Variants in ARID1B observed in about 807,000 individuals in gnomAD.
ARID1B encodes AT-rich interaction domain 1B.
Under a neutral mutation model 212.3 loss-of-function variants are expected in ARID1B, and 30 were observed. The ratio of observed to expected loss-of-function variants is 0.14; its 90% confidence interval spans 0.11 to 0.19. ARID1B has a LOEUF of 0.19. Ranked by LOEUF, ARID1B falls within the 10% of genes least tolerant of loss-of-function variation. The probability of loss-of-function intolerance (pLI) is 1.00; values close to 1 mark genes in which losing one functional copy is unlikely to be tolerated. For synonymous variants in ARID1B, 1,402 were observed against 1,301.7 expected, an observed-to-expected ratio of 1.08 and a Z score of -1.66; for missense variants, 2,891 against 3,204.0, an observed-to-expected ratio of 0.90 and a Z score of 2.36.
intron 3 of ARID1B, among the ~76,000 whole-genome samples, chr6:156,931,961 T>TAAAA (rs56102774): frequency 1.0e-5 from 1 of 97,414 alleles, no homozygotes; most frequent in South Asian, 3.3e-4. Flanking sequence ...GATTCCGTCT[T>TAAAA]AAAAAAAAAA....
Position 157,123,238 on chromosome 6 carries a change from G to GCC in ARID1B, c.2582-9781_2582-9780dup, listed in dbSNP as rs145123304. Among the ~76,000 whole-genome samples the GCC allele has an allele frequency of 1.0e-3, 85 of 83,580 alleles. 1 individual carries two copies. The highest frequency in any genetic ancestry group is 1.4e-3 in the African/African-American group (27 of 19,752). 54.8% of individuals were successfully genotyped at this position (83,580 alleles called of 152,430 possible). On this transcript the variant is annotated intron_variant, in intron 6 of 19. Transcript: ENST00000636930. ...TTTCTTTCTCTCCCCCCCGCCCCCC[G>GCC]CCCCCCCCCCACACACACACAAGCA...
chr6:157,063,504 T>C (rs1783483909), intron 4 of ARID1B, among the ~76,000 whole-genome samples: 1 of 152,158 alleles, frequency 6.6e-6, no homozygotes, highest in African/African-American at 2.4e-5. Context: ...TTTTTTTAGA[T>C]AGTTGTGCTA....
Position 157,190,276 on chromosome 6 carries a change from A to G in ARID1B, c.4231+66A>G, listed in dbSNP as rs534928632. ...GCATTCTACTCTCTGCCGTTCCACA[A>G]CAGTTCACCTTTCACTCAGAACACC... On this transcript the variant is annotated intron_variant, in intron 15 of 19. Coordinates refer to ENST00000636930, the MANE Select transcript of ARID1B (RefSeq NM_001374828.1). The surrounding 1 kb of genome is among the most constrained non-coding windows in gnomAD (Gnocchi z 4.6). 1.3e-6 allele frequency: 2 copies of G among 1,513,518 alleles called. No individual in the cohort carries two copies. The highest frequency in any genetic ancestry group is 8.8e-7 in the Non-Finnish European group (1 of 1,131,796). 93.8% of individuals were successfully genotyped at this position (1,513,518 alleles called of 1,614,324 possible).
intron 3 of ARID1B, among the ~76,000 whole-genome samples, chr6:156,909,123 C>CTTTTTTTTTTTT (rs60183999): frequency 9.2e-6 from 1 of 108,822 alleles, no homozygotes; most frequent in African/African-American, 3.8e-5. Flanking sequence ...TTTTCTTTCT[C>CTTTTTTTTTTTT]TTTTTTTTTT....
chr6:157,122,997 A>G (rs1243374365), intron 6 of ARID1B, among the ~76,000 whole-genome samples: 1 of 152,084 alleles, frequency 6.6e-6, no homozygotes. Flanking sequence ...TAGGTTTCTT[A>G]GTTCAGACTG....
In ARID1B at chr6:157,210,695, T is replaced by C. The variant is rs1429438741; in HGVS notation, c.*2804T>C. ...AGAAATTTACAGGATGCCCAGACTT[T>C]ACATGTGTACCAAAAAAAAAAAAAA... On this transcript the variant is annotated 3_prime_UTR_variant, in exon 20 of 20. Coordinates refer to ENST00000636930, the MANE Select transcript of ARID1B (RefSeq NM_001374828.1). 4.4e-6 allele frequency: 1 copy of C among 226,866 alleles called. No individual in the cohort carries two copies. The highest frequency in any genetic ancestry group is 6.1e-5 in the East Asian group (1 of 16,340). 14.1% of individuals were successfully genotyped at this position (226,866 alleles called of 1,614,324 possible).
chr6:156,854,911 T>C (rs574302039), intron 2 of ARID1B, among the ~76,000 whole-genome samples: 7 of 152,272 alleles, frequency 4.6e-5, no homozygotes, highest in Non-Finnish European at 1.0e-4. Context: ...AGTTGTAACA[T>C]GGGCCTCTGT....
At chr6:156,978,082 G>C (rs549662644) in intron 4 of ARID1B, among the ~76,000 whole-genome samples, 1 of 152,194 alleles carries the variant, frequency 6.6e-6, no homozygotes, top group East Asian at 1.9e-4. Flanking sequence ...CAGGCTGAAC[G>C]TGACTCTGCC....
At chr6:156,986,057 G>GAAGTA (rs1777898590) in intron 4 of ARID1B, among the ~76,000 whole-genome samples, 1 of 137,658 alleles carries the variant, frequency 7.3e-6, no homozygotes, top group African/African-American at 3.1e-5. Context: ...CCTTTACTTG[G>GAAGTA]AAGGCTTTTT....
At chr6:156,829,591 A>G (rs1783002611) in intron 2 of ARID1B, 170 bp downstream of exon 2, 1 of 783,390 alleles carries the variant, frequency 1.3e-6, no homozygotes, top group African/African-American at 1.7e-5. Context: ...TCTTTTAAAG[A>G]TGGAAAGGTG....
In ARID1B at chr6:157,108,823, T is replaced by TA. The variant is rs377129597; in HGVS notation, c.2492-1644dup. ...ATCCCGACTAGTTATGGTTCTAATG[T>TA]AAAAAGCAGCTTCTAGTGGTGACAC... On this transcript the variant is annotated intron_variant, in intron 5 of 19. Transcript: ENST00000636930. 1.7e-3 allele frequency among the ~76,000 whole-genome samples: 265 copies of TA among 152,338 alleles called. 1 individual carries two copies. The highest frequency in any genetic ancestry group is 6.2e-3 in the African/African-American group (256 of 41,584).
At chr6:156,970,921 G>A (rs1030879133) in intron 4 of ARID1B, among the ~76,000 whole-genome samples, 1 of 152,338 alleles carries the variant, frequency 6.6e-6, no homozygotes, top group African/African-American at 2.4e-5. Flanking sequence ...TTGCGTGAAA[G>A]TATAGGTCTG....
intron 8 of ARID1B, 184 bp downstream of exon 8, chr6:157,149,135 C>G (rs1583406161): frequency 4.7e-6 from 3 of 639,016 alleles, no homozygotes; most frequent in East Asian, 5.6e-5. Flanking sequence ...AAGTGACAAA[C>G]CATGTTTTAT....
At position 156,777,818 on chromosome 6, in the gene ARID1B, C is replaced by CGCG. The variant is rs1046394316; in HGVS notation, c.156_158dup (p.Ala53dup). 1,404 of 1,011,732 alleles carry CGCG rather than the reference C, an allele frequency of 1.4e-3. 2 individuals are homozygous for CGCG. The highest frequency in any genetic ancestry group is 2.8e-3 in the South Asian group (62 of 22,144). The allele number at this position is 1,011,732 out of a possible 1,614,324, so 62.7% of individuals were successfully genotyped here. ...GGGACCTGGAGGCGGGGGCGCGCGG[C>CGCG]GCGGCGGCGGCGGCGGCGGCACCGG... On this transcript the variant is annotated inframe_insertion, in exon 1 of 20. Coordinates refer to ENST00000636930, the MANE Select transcript of ARID1B (RefSeq NM_001374828.1).
At position 156,955,350 on chromosome 6, in the gene ARID1B, A is replaced by G. The variant is rs922824569; in HGVS notation, c.2247+19774A>G. 1.3e-5 allele frequency among the ~76,000 whole-genome samples: 2 copies of G among 152,194 alleles called. No individual in the cohort carries two copies. The highest frequency in any genetic ancestry group is 2.9e-5 in the Non-Finnish European group (2 of 68,030). Reference sequence around the variant, plus strand: ...GGTGTGATAAACCTAGAGCTACTGTATGTTCCAGGCCATACATTACATATT... The same window carrying G: ...GGTGTGATAAACCTAGAGCTACTGTGTGTTCCAGGCCATACATTACATATT... On this transcript the variant is annotated intron_variant, in intron 4 of 19. Coordinates refer to ENST00000636930, the MANE Select transcript of ARID1B (RefSeq NM_001374828.1). The surrounding 1 kb of genome is among the most constrained non-coding windows in gnomAD (Gnocchi z 4.2).
At chr6:157,122,454 A>G (rs1787796217) in intron 6 of ARID1B, among the ~76,000 whole-genome samples, 1 of 152,214 alleles carries the variant, frequency 6.6e-6, no homozygotes. Flanking sequence ...CAAAATGTGG[A>G]ATTCAAACAA....
At chr6:157,083,371 G>A (rs537276723) in intron 4 of ARID1B, among the ~76,000 whole-genome samples, 3 of 152,254 alleles carry the variant, frequency 2.0e-5, no homozygotes, top group African/African-American at 2.4e-5. Context: ...CACATTGCTC[G>A]GTCAGTGATC....
At chr6:157,096,957 A>G (rs116229028) in intron 5 of ARID1B, among the ~76,000 whole-genome samples, 1 of 152,238 alleles carries the variant, frequency 6.6e-6, no homozygotes, top group Non-Finnish European at 1.5e-5. Context: ...CTTCAAATAT[A>G]CATTGTGAAG....
rs147681110 is a variant in ARID1B, at chr6:157,030,903, G to A, written c.2248-53759G>A. ...GGACGGCCGCTGTACTCAGCAGCAC[G>A]AGGCTACCGTGCGTGTTCTTTCCAC... On this transcript the variant is annotated intron_variant, in intron 4 of 19. Coordinates refer to ENST00000636930, the MANE Select transcript of ARID1B (RefSeq NM_001374828.1). Among the ~76,000 whole-genome samples the A allele has an allele frequency of 8.1e-3, 1,236 of 152,228 alleles. 14 individuals are homozygous for A. The highest frequency in any genetic ancestry group is 0.028 in the African/African-American group (1,178 of 41,510).
Sources: gnomAD v4.1 joint callset for allele counts (sites outside exome capture counted in the v4.1 genomes callset) on GRCh38, gnomAD v4.1.1 for gene constraint, Gnocchi (gnomAD v3.1) non-coding constraint, MANE v1.5 for transcripts, NCBI Gene and HGNC (gene_info 2026-07-23, HGNC 2026-07-21) for gene names.